CELF2: variants seen among roughly 807,000 people sequenced by gnomAD.
CELF2 encodes CUGBP Elav-like family member 2.
Under a neutral mutation model 62.6 loss-of-function variants are expected in CELF2, and 8 were observed. The observed-to-expected ratio is 0.13, with a 90% confidence interval of 0.07 to 0.23. The LOEUF (loss-of-function observed/expected upper bound fraction) is 0.23. Among genes scored for constraint, CELF2 ranks in the 10% least tolerant of loss-of-function variants. The pLI is 1.00. For missense variants in CELF2, 333 were observed against 671.0 expected (o/e 0.50, Z 5.56); for synonymous variants, 258 against 250.0 (o/e 1.03, Z -0.30).
chr10:11,172,723 A>G (rs1242159687), intron 2 of CELF2, among the ~76,000 whole-genome samples: 1 of 152,214 alleles, frequency 6.6e-6, no homozygotes, highest in Non-Finnish European at 1.5e-5. Context: ...AAAAAGACCG[A>G]CAGAGCGAGC....
chr10:10,944,400 G>A (rs895906268), intron 2 of CELF2: 1 of 152,678 alleles, frequency 6.5e-6, no homozygotes, highest in Non-Finnish European at 1.5e-5. Context: ...TAAGGATCAG[G>A]TGAAAGCGGT....
the CELF2 span, among the ~76,000 whole-genome samples, chr10:10,736,146 T>C: frequency 6.6e-6 from 1 of 152,222 alleles, no homozygotes; most frequent in Non-Finnish European, 1.5e-5. Flanking sequence ...AGATTCTTTC[T>C]GGGCAGCCAA....
chr10:10,933,108 A>G (rs551717457), intron 2 of CELF2, among the ~76,000 whole-genome samples: 1 of 150,354 alleles, frequency 6.7e-6, no homozygotes, highest in South Asian at 2.2e-4. Context: ...CAGCTTGGGC[A>G]ACATGGCAAA....
At chr10:10,668,830 C>T in the CELF2 span, among the ~76,000 whole-genome samples, 10 of 151,928 alleles carry the variant, frequency 6.6e-5, no homozygotes, top group South Asian at 2.1e-4. Flanking sequence ...GGGTGGTGTG[C>T]GCCTGTAATC....
chr10:11,023,200 C>G (rs1198852961), intron 1 of CELF2, among the ~76,000 whole-genome samples: 1 of 152,172 alleles, frequency 6.6e-6, no homozygotes, highest in African/African-American at 2.4e-5. Context: ...GGTTTGGAAA[C>G]TACTAATGAT....
the CELF2 span, among the ~76,000 whole-genome samples, chr10:10,647,601 C>T: frequency 6.6e-6 from 1 of 152,184 alleles, no homozygotes; most frequent in African/African-American, 2.4e-5. Context: ...TTACATGGTG[C>T]CTCCGTGGAC....
chr10:10,535,422 C>T, the CELF2 span, among the ~76,000 whole-genome samples: 34 of 152,186 alleles, frequency 2.2e-4, no homozygotes, highest in Admixed American at 8.5e-4. Context: ...CTTGTCCCTT[C>T]GATTAGGAAG....
rs149753198 is a variant in CELF2, at chr10:10,948,397, C to G, written c.89+28398C>G. The G allele has an allele frequency of 1.6e-3, 247 of 152,262 alleles. 2 individuals carry two copies. Among genetic ancestry groups the G allele is most frequent in the African/African-American group, 5.7e-3 (237 of 41,542 alleles). The allele number at this position is 152,262 out of a possible 1,614,324, so 9.4% of individuals were successfully genotyped here. A position where few individuals can be genotyped will look rare whatever the true frequency, so the allele number is the denominator to read the frequency against. On this transcript the variant is annotated intron_variant, in intron 2 of 13. Coordinates refer to the CELF2 transcript ENST00000636488. ...TCCTCTGAGCTAGGCCCAGAGCGCC[C>G]TGCTCTGGAGGGAAAGGTTTGGATG...
rs1386372183 is a variant in CELF2 at position 11,159,112 on chromosome 10, A to G, written c.75-6374A>G. Among the ~76,000 whole-genome samples the G allele has an allele frequency of 1.3e-5, 2 of 152,210 alleles. No homozygotes were observed. The highest frequency in any genetic ancestry group is 6.5e-5 in the Admixed American group (1 of 15,290). On this transcript the variant is annotated intron_variant, in intron 1 of 12. Transcript: ENST00000633077. This position sits in a 1 kb window ranked among gnomAD's most constrained non-coding sequence, Gnocchi z 5.0. ...TGGATTCACTAGCTGATGTGTGGCC[A>G]TCTCAGAGATGGTTTGGGGCCTCAT...
chr10:11,099,398 A>G (rs2050809951), intron 1 of CELF2, among the ~76,000 whole-genome samples: 1 of 152,224 alleles, frequency 6.6e-6, no homozygotes, highest in South Asian at 2.1e-4. Context: ...TTTTCAATAA[A>G]TTCTGGCGTG....
At chr10:10,909,747 C>T (rs1452638465) in intron 1 of CELF2, among the ~76,000 whole-genome samples, 1 of 152,206 alleles carries the variant, frequency 6.6e-6, no homozygotes, top group Non-Finnish European at 1.5e-5. Context: ...AAAAGGGAAT[C>T]AGTGAAATGA....
At chr10:11,167,813 C>T (rs547212970) in intron 2 of CELF2, among the ~76,000 whole-genome samples, 1 of 152,264 alleles carries the variant, frequency 6.6e-6, no homozygotes, top group South Asian at 2.1e-4. Flanking sequence ...TTACATGTGT[C>T]CTCATTTTGT....
the CELF2 span, among the ~76,000 whole-genome samples, chr10:10,474,677 G>T: frequency 6.6e-6 from 1 of 152,084 alleles, no homozygotes; most frequent in Non-Finnish European, 1.5e-5. Flanking sequence ...CCCCTGCTGT[G>T]GGGGTTATTA....
intron 8 of CELF2, among the ~76,000 whole-genome samples, chr10:11,283,909 T>G (rs2090008649): frequency 6.3e-5 from 6 of 94,600 alleles, no homozygotes; most frequent in Admixed American, 1.1e-4. Flanking sequence ...GATGACTGTG[T>G]GGTAGGTGGA....
At chr10:11,256,113 G>T (rs1306949754) in intron 4 of CELF2, among the ~76,000 whole-genome samples, 1 of 152,226 alleles carries the variant, frequency 6.6e-6, no homozygotes, top group African/African-American at 2.4e-5. Flanking sequence ...GCCTTTAGCT[G>T]TCTCCTCTAG....
intron 9 of CELF2, among the ~76,000 whole-genome samples, chr10:11,299,838 G>A (rs1159830457): frequency 1.3e-5 from 2 of 151,328 alleles, no homozygotes; most frequent in Non-Finnish European, 2.9e-5. Context: ...GTCCTTCTCC[G>A]GGCCATCTGT....
At chr10:11,111,768 C>T (rs1396072407) in intron 1 of CELF2, among the ~76,000 whole-genome samples, 2 of 152,150 alleles carry the variant, frequency 1.3e-5, no homozygotes, top group East Asian at 1.9e-4. Context: ...TTGGATACGC[C>T]GAAACTCAGC....
chr10:10,629,662 C>T, the CELF2 span, among the ~76,000 whole-genome samples: 1 of 152,018 alleles, frequency 6.6e-6, no homozygotes, highest in African/African-American at 2.4e-5. Flanking sequence ...ATCTCTCTGA[C>T]AAAAGACCCA....
At chr10:10,491,110 C>G in the CELF2 span, among the ~76,000 whole-genome samples, 1 of 152,194 alleles carries the variant, frequency 6.6e-6, no homozygotes, top group African/African-American at 2.4e-5. Flanking sequence ...TCCTCCTCCT[C>G]TGAACCAGCT....
Sources: allele counts gnomAD v4.1 joint callset (sites outside exome capture counted in the v4.1 genomes callset), GRCh38; gene constraint gnomAD v4.1.1; non-coding constraint Gnocchi (gnomAD v3.1); transcripts MANE v1.5; gene names NCBI Gene and HGNC (gene_info 2026-07-23, HGNC 2026-07-21).